The following C12orf42 variants were observed in gnomAD, a reference collection of about 807,000 sequenced individuals.
C12orf42 encodes uncharacterized protein C12orf42.
In C12orf42, 25 loss-of-function variants were observed where a neutral mutation model predicts 21.6. The observed-to-expected ratio is 1.16, with a 90% CI of 0.84 to 1.62. C12orf42 has a LOEUF of 1.62. Among genes scored for constraint, C12orf42 ranks in the 40% most tolerant of loss-of-function variants. The probability of loss-of-function intolerance (pLI) is 0.00; values close to 1 mark genes in which losing one functional copy is unlikely to be tolerated. For synonymous variants in C12orf42, 174 were observed against 175.0 expected, an observed-to-expected ratio of 0.99 and a Z score of 0.05; for missense variants, 483 against 459.3, an observed-to-expected ratio of 1.05 and a Z score of -0.47.
the C12orf42 span, among the ~76,000 whole-genome samples, chr12:103,228,505 G>A: frequency 1.1e-4 from 17 of 152,158 alleles, no homozygotes; most frequent in South Asian, 3.1e-3. Flanking sequence ...GGGCATATAC[G>A]TGCAAGTCAC....
At chr12:103,145,132 C>T in the C12orf42 span, among the ~76,000 whole-genome samples, 1 of 152,088 alleles carries the variant, frequency 6.6e-6, no homozygotes, top group Non-Finnish European at 1.5e-5. Context: ...TGGAGAGTCC[C>T]CGTCTCCCCA....
chr12:103,250,192 G>C (rs2034229572), intron 10 of C12orf42, among the ~76,000 whole-genome samples: 1 of 151,906 alleles, frequency 6.6e-6, no homozygotes, highest in Admixed American at 6.6e-5. Context: ...ATGCAAGGAG[G>C]TTTATCAGCT....
At chr12:103,464,799 C>T (rs1224582547) in intron 2 of C12orf42, among the ~76,000 whole-genome samples, 1 of 152,126 alleles carries the variant, frequency 6.6e-6, no homozygotes, top group Non-Finnish European at 1.5e-5. Context: ...GCCAGTTCTC[C>T]CAGCACCATT....
chr12:103,399,458 T>C lies in C12orf42; in HGVS notation c.147+2149A>G, dbSNP rs552332288. On this transcript the variant is annotated intron_variant, in intron 3 of 5. Transcript: ENST00000548883. ...GTCTTGGCTCACTGCAACCTCCACC[T>C]CCCGGGTTCAAATAGAATTACTATA... 1.4e-5 allele frequency among the ~76,000 whole-genome samples: 2 copies of C among 146,544 alleles called. 1 individual carries two copies. The highest frequency in any genetic ancestry group is 5.1e-5 in the African/African-American group (2 of 39,406).
chr12:103,355,141 T>C (rs2043421115), intron 4 of C12orf42, among the ~76,000 whole-genome samples: 1 of 152,098 alleles, frequency 6.6e-6, no homozygotes, highest in Non-Finnish European at 1.5e-5. Context: ...ATTCCCCCTT[T>C]GAGAAAAATC....
At chr12:103,186,554 C>T in the C12orf42 span, among the ~76,000 whole-genome samples, 2 of 152,024 alleles carry the variant, frequency 1.3e-5, no homozygotes, top group South Asian at 2.1e-4. Context: ...TTGGCAGAAA[C>T]TTTATTATCT....
At chr12:103,068,822 A>G in the C12orf42 span, among the ~76,000 whole-genome samples, 17 of 149,444 alleles carry the variant, frequency 1.1e-4, no homozygotes, top group South Asian at 3.0e-3. Context: ...CAGATGGCCT[A>G]TTATGGGACC....
At chr12:103,246,306 T>C (rs920329796) in intron 10 of C12orf42, among the ~76,000 whole-genome samples, 2 of 152,096 alleles carry the variant, frequency 1.3e-5, no homozygotes, top group South Asian at 4.1e-4. Context: ...ATCAAGTTTG[T>C]TGGGCGATTT....
the C12orf42 span, chr12:103,503,865 CAT>C: frequency 6.5e-6 from 1 of 153,952 alleles, no homozygotes; most frequent in Middle Eastern, 1.7e-3. Context: ...ATTGGGGTCT[CAT>C]GTGTGGCCTA....
chr12:103,421,130 TTCTG>T (rs2049862006), intron 2 of C12orf42, among the ~76,000 whole-genome samples: 1 of 152,152 alleles, frequency 6.6e-6, no homozygotes, highest in Admixed American at 6.5e-5. Flanking sequence ...TCTTTGCAAC[TTCTG>T]TCTCACAGTG....
rs369942183 is a variant in C12orf42 at position 103,302,231 on chromosome 12, G to A, written c.960C>T (p.Thr320=). Residue 320 remains threonine (T), a synonymous_variant, in exon 6 of 6, where the codon ACC becomes ACT. Coordinates refer to ENST00000548883, the MANE Select transcript of C12orf42 (RefSeq NM_198521.5). ...APLPLLAGAS[T]HFPSKRLIKV... is the part of the protein sequence containing the mutation. Reference sequence around the variant, plus strand: ...TTATTAACCTCTTGGAGGGGAAATGGGTGGAAGCACCGGCCAGCAGAGGAA... The same window carrying A: ...TTATTAACCTCTTGGAGGGGAAATGAGTGGAAGCACCGGCCAGCAGAGGAA... The A allele has an allele frequency of 3.7e-5, 59 of 1,612,214 alleles. No individual in the cohort carries two copies. The African/African-American group carries it at 7.5e-4, about 20-fold the overall frequency.
the C12orf42 span, among the ~76,000 whole-genome samples, chr12:103,163,787 G>A: frequency 2.8e-4 from 42 of 152,292 alleles, no homozygotes; most frequent in Non-Finnish European, 5.3e-4. Context: ...TTAGCTCTCT[G>A]AGCCTCAGTT....
the C12orf42 span, among the ~76,000 whole-genome samples, chr12:103,079,881 ATTGCTAAC>A: frequency 6.6e-6 from 1 of 152,204 alleles, no homozygotes; most frequent in African/African-American, 2.4e-5. Context: ...AGTTAGTCAT[ATTGCTAAC>A]TTGAATCAAT....
chr12:103,191,571 A>AAAAAAAAG, the C12orf42 span, among the ~76,000 whole-genome samples: 4 of 117,788 alleles, frequency 3.4e-5, no homozygotes, highest in East Asian at 2.5e-4. Flanking sequence ...AAAAAAAAAA[A>AAAAAAAAG]AAATACAAAA....
the C12orf42 span, among the ~76,000 whole-genome samples, chr12:103,087,186 TCATC>T: frequency 6.6e-6 from 1 of 152,190 alleles, no homozygotes; most frequent in East Asian, 1.9e-4. Flanking sequence ...ATTGAACTGA[TCATC>T]CATTTCTGTT....
At chr12:103,214,272 A>G in the C12orf42 span, among the ~76,000 whole-genome samples, 2 of 152,194 alleles carry the variant, frequency 1.3e-5, no homozygotes, top group East Asian at 3.8e-4. Flanking sequence ...TGTACAGTCC[A>G]TTAGTACAAG....
the C12orf42 span, among the ~76,000 whole-genome samples, chr12:103,502,396 C>A: frequency 6.6e-6 from 1 of 152,164 alleles, no homozygotes. Flanking sequence ...TAATGAAATG[C>A]AAGCTCCTTC....
chr12:103,471,595 AAC>A (rs1372490245), intron 2 of C12orf42, among the ~76,000 whole-genome samples: 1 of 152,226 alleles, frequency 6.6e-6, no homozygotes, highest in Non-Finnish European at 1.5e-5. Context: ...GTTGTAAGGT[AAC>A]ACAGCCTCTA....
At chr12:103,122,815 G>A in the C12orf42 span, among the ~76,000 whole-genome samples, 17 of 152,140 alleles carry the variant, frequency 1.1e-4, no homozygotes, top group East Asian at 1.3e-3. Context: ...CTATGAATAA[G>A]TTAGGGAGTC....
Sources: gnomAD v4.1 joint callset for allele counts (sites outside exome capture counted in the v4.1 genomes callset) on GRCh38, gnomAD v4.1.1 for gene constraint, MANE v1.5 for transcripts, NCBI Gene and HGNC (gene_info 2026-07-23, HGNC 2026-07-21) for gene names.